Variants in USH2A observed in about 807,000 individuals in gnomAD.
The protein encoded by USH2A is usherin, also known as Usher syndrome 2A (autosomal recessive, mild).
In USH2A, 443 loss-of-function variants were observed where a neutral mutation model predicts 538.9. The ratio of observed to expected loss-of-function variants is 0.82; its 90% CI spans 0.76 to 0.89. The LOEUF (loss-of-function observed/expected upper bound fraction) is 0.89, where lower values mean the gene tolerates loss of function less well. Ranked by LOEUF, USH2A falls within the 40% of genes least tolerant of loss-of-function variation. The pLI is 0.00. For synonymous variants in USH2A, 2,413 were observed against 2,273.5 expected (o/e 1.06, Z -1.75); for missense variants, 6,633 against 6,324.8 (o/e 1.05, Z -1.65).
chr1:215,708,755 G>A (rs4655419), intron 61 of USH2A, among the ~76,000 whole-genome samples: 27,888 of 151,974 alleles, frequency 0.18, 2,992 homozygotes, highest in East Asian at 0.41. Context: ...CTCAGGTGGT[G>A]AGGCTCACCC....
At chr1:216,171,949 T>A (rs1422501879) in intron 21 of USH2A, among the ~76,000 whole-genome samples, 2 of 152,008 alleles carry the variant, frequency 1.3e-5, no homozygotes, top group African/African-American at 4.8e-5. Flanking sequence ...TTAGATTTTT[T>A]AAAAGAACAC....
At chr1:215,836,487 A>AC (rs1663502945) in intron 47 of USH2A, among the ~76,000 whole-genome samples, 1 of 6,900 alleles carries the variant, frequency 1.4e-4, no homozygotes, top group Non-Finnish European at 8.4e-4. Flanking sequence ...TATAATATAT[A>AC]TTATATATAT....
chr1:215,823,969 T>C (rs764602847), intron 47 of USH2A, among the ~76,000 whole-genome samples: 2 of 152,128 alleles, frequency 1.3e-5, no homozygotes, highest in Non-Finnish European at 2.9e-5. Flanking sequence ...TGAGTTTCCT[T>C]AAAACTGTTT....
chr1:215,758,912 A>C (rs1660894224), intron 57 of USH2A, among the ~76,000 whole-genome samples, 160 bp from the exon 58 acceptor site: 1 of 152,214 alleles, frequency 6.6e-6, no homozygotes, highest in African/African-American at 2.4e-5. Flanking sequence ...TTTCTTGCAC[A>C]GGCAACATTG....
At chr1:216,262,330 A>T (rs935722420) in intron 11 of USH2A, among the ~76,000 whole-genome samples, 1 of 152,186 alleles carries the variant, frequency 6.6e-6, no homozygotes, top group Non-Finnish European at 1.5e-5. Flanking sequence ...AATCAGGAAA[A>T]GAATTCATGA....
In USH2A at chr1:216,246,858, G is replaced by A. The variant is rs749038331; in HGVS notation, c.2536C>T (p.Pro846Ser). The change falls in exon 13 of 72, where the codon CCT (proline) becomes TCT (serine). Residue 846 changes from proline to serine, a missense_variant. Coordinates refer to ENST00000307340, the MANE Select transcript of USH2A (RefSeq NM_206933.4). ...LRQNNSFLCL[P>S]CNCDKTGTIN... The stretch of plus-strand genomic sequence containing the variant: ...GTCCCAGTCTTATCACAGTTGCAAG[G>A]CAGACAGAGGAAAGAATTATTTTGC... The A allele has an allele frequency of 1.2e-6, 2 of 1,614,148 alleles. No homozygotes were observed. The highest frequency in any genetic ancestry group is 1.1e-5 in the South Asian group (1 of 91,086).
chr1:216,043,519 T>C (rs1022352134), intron 32 of USH2A, among the ~76,000 whole-genome samples: 4 of 152,120 alleles, frequency 2.6e-5, no homozygotes, highest in African/African-American at 7.2e-5. Context: ...TCTATTACCA[T>C]GGATGTAGGC....
chr1:216,112,928 G>A (rs528629875), intron 21 of USH2A, among the ~76,000 whole-genome samples: 18 of 151,996 alleles, frequency 1.2e-4, no homozygotes, highest in African/African-American at 4.3e-4. Flanking sequence ...GCGAGCATGT[G>A]TCCTTAGGGT....
chr1:215,718,241 A>T (rs1160404418), intron 61 of USH2A, among the ~76,000 whole-genome samples: 1 of 152,234 alleles, frequency 6.6e-6, no homozygotes, highest in African/African-American at 2.4e-5. Flanking sequence ...ATTTGGATTA[A>T]AAAGCAAATG....
chr1:216,223,858 C>T (rs1248645274), intron 14 of USH2A, among the ~76,000 whole-genome samples: 20 of 152,148 alleles, frequency 1.3e-4, no homozygotes, highest in Admixed American at 9.8e-4. Context: ...TGAGATCAAT[C>T]GGATAAAGGC....
At chr1:215,928,388 AT>A (rs150502493) in intron 38 of USH2A, among the ~76,000 whole-genome samples, 14 of 151,786 alleles carry the variant, frequency 9.2e-5, no homozygotes, top group African/African-American at 2.9e-4. Context: ...TGCTTTCTTC[AT>A]TTTTTTTGGT....
intron 9 of USH2A, among the ~76,000 whole-genome samples, chr1:216,307,918 C>T (rs1228238839): frequency 6.6e-6 from 1 of 152,150 alleles, no homozygotes. Context: ...TGGGCACTTA[C>T]AGTTTTTCGG....
At position 215,793,392 on chromosome 1, in the gene USH2A, T is replaced by A. The variant is rs1009995621; in HGVS notation, c.9959-3110A>T. The stretch of plus-strand genomic sequence containing the variant: ...CCTAGAAGAAAAAAAAGGTTTGTGA[T>A]TAGTCATCCTTAGGACAAATGTATA... On this transcript the variant is annotated intron_variant, in intron 50 of 71. Coordinates refer to ENST00000307340, the MANE Select transcript of USH2A (RefSeq NM_206933.4). Among the ~76,000 whole-genome samples, 4 of 152,164 alleles carry A rather than the reference T, an allele frequency of 2.6e-5. No individual in the cohort carries two copies. The East Asian group carries it at 7.7e-4, about 29-fold the overall frequency.
In USH2A at chr1:216,231,332, G is replaced by C. The variant is rs1302525489; in HGVS notation, c.2993+621C>G. Among the ~76,000 whole-genome samples the C allele has an allele frequency of 3.1e-5, 4 of 128,488 alleles. No homozygotes were observed. In the South Asian group the frequency reaches 1.0e-3, roughly 33 times the overall value. 84.3% of individuals were successfully genotyped at this position (128,488 alleles called of 152,430 possible). A position where few individuals can be genotyped will look rare whatever the true frequency, so the allele number is the denominator to read the frequency against. ...AGAGAGAGAGAAAGTATGAGTATGT[G>C]TATTTTCTTCTTCAGATATGTCTTT... On this transcript the variant is annotated intron_variant, in intron 14 of 71. Transcript: ENST00000307340.
At chr1:215,699,169 T>G (rs185783691) in intron 61 of USH2A, among the ~76,000 whole-genome samples, 1 of 152,174 alleles carries the variant, frequency 6.6e-6, no homozygotes, top group Non-Finnish European at 1.5e-5. Flanking sequence ...TTCTGTTTCA[T>G]TGGTCTATAT....
chr1:215,959,258 T>G (rs1170466461), intron 37 of USH2A, among the ~76,000 whole-genome samples: 1 of 152,162 alleles, frequency 6.6e-6, no homozygotes, highest in Non-Finnish European at 1.5e-5. Flanking sequence ...CAAATTTTCA[T>G]TTGCCTTTTT....
At chr1:216,174,402 G>C in intron 21 of USH2A, 3 of 985,120 alleles carry the variant, frequency 3.0e-6, no homozygotes, top group Non-Finnish European at 3.6e-6. Context: ...ATTAGAAGCT[G>C]TAAGTCACAG....
intron 62 of USH2A, among the ~76,000 whole-genome samples, chr1:215,679,107 C>T (rs191368360): frequency 2.0e-5 from 3 of 152,350 alleles, no homozygotes; most frequent in African/African-American, 7.2e-5. Flanking sequence ...CAGCTTGCTA[C>T]TGCTACTTGC....
chr1:216,210,191 A>C (rs973641291), intron 15 of USH2A, among the ~76,000 whole-genome samples: 1 of 151,922 alleles, frequency 6.6e-6, no homozygotes, highest in African/African-American at 2.4e-5. Flanking sequence ...ATTTCTACAT[A>C]GTTGTCCATG....
Sources: gnomAD v4.1 joint callset for allele counts (sites outside exome capture counted in the v4.1 genomes callset) on GRCh38, gnomAD v4.1.1 for gene constraint, MANE v1.5 for transcripts, NCBI Gene and HGNC (gene_info 2026-07-23, HGNC 2026-07-21) for gene names.